Variants in CNTLN observed in about 807,000 individuals in gnomAD.
CNTLN encodes the protein centlein, centrosomal protein.
CNTLN carries 212 observed loss-of-function variants against 180.0 expected under a neutral mutation model. That is an observed-to-expected ratio of 1.18 (90% CI 1.05 to 1.32). The LOEUF is 1.32. CNTLN is among the 40% of genes most tolerant of loss of function. CNTLN has a pLI of 0.00. For synonymous variants in CNTLN, 722 were observed against 563.1 expected, an observed-to-expected ratio of 1.28 and a Z score of -3.99; for missense variants, 2,095 against 1,610.9, an observed-to-expected ratio of 1.30 and a Z score of -5.14.
intron 19 of CNTLN, among the ~76,000 whole-genome samples, chr9:17,459,969 T>A (rs1223543275): frequency 2.0e-5 from 3 of 151,802 alleles, no homozygotes; most frequent in Non-Finnish European, 4.4e-5. Flanking sequence ...GATATCAAAC[T>A]GCTAATATAG....
At chr9:17,395,506 T>G (rs1826450041) in intron 15 of CNTLN, among the ~76,000 whole-genome samples, 1 of 152,192 alleles carries the variant, frequency 6.6e-6, no homozygotes, top group Non-Finnish European at 1.5e-5. Flanking sequence ...TTAATTTAGT[T>G]AGATAAATTT....
chr9:17,191,992 T>C (rs556593422), intron 2 of CNTLN, among the ~76,000 whole-genome samples: 2 of 152,310 alleles, frequency 1.3e-5, no homozygotes, highest in East Asian at 3.9e-4. Context: ...GCTGTTTTTT[T>C]GACTCAAAAA....
At chr9:17,317,513 C>G (rs970320891) in intron 8 of CNTLN, among the ~76,000 whole-genome samples, 1 of 151,970 alleles carries the variant, frequency 6.6e-6, no homozygotes, top group Non-Finnish European at 1.5e-5. Context: ...CAAAACAAGG[C>G]CTTTGTGCTC....
rs553472515 is a variant in CNTLN at position 17,189,432 on chromosome 9, T to C, written c.450-36771T>C. Among the ~76,000 whole-genome samples the C allele has an allele frequency of 7.4e-4, 112 of 151,558 alleles. 3 individuals carry two copies. In the South Asian group the frequency reaches 0.019, roughly 26 times the overall value. On this transcript the variant is annotated intron_variant, in intron 2 of 25. Coordinates refer to ENST00000380647, the MANE Select transcript of CNTLN (RefSeq NM_017738.4). ...TGCAGGCTTAGAGCGATAGAGCAGC[T>C]TTTTTTCTAATCTAGGGTGAATTTA...
At chr9:17,138,269 TAGAA>T (rs954129522) in intron 1 of CNTLN, among the ~76,000 whole-genome samples, 29 of 152,184 alleles carry the variant, frequency 1.9e-4, no homozygotes, top group African/African-American at 6.8e-4. Context: ...TATGTTTACA[TAGAA>T]AGAGTAATAT....
At chr9:17,215,122 A>T (rs1301803845) in intron 2 of CNTLN, among the ~76,000 whole-genome samples, 1 of 152,082 alleles carries the variant, frequency 6.6e-6, no homozygotes, top group East Asian at 1.9e-4. Flanking sequence ...GGAGGAGGAG[A>T]GGAGCTCTGA....
intron 16 of CNTLN, among the ~76,000 whole-genome samples, chr9:17,411,890 A>G (rs1421575201): frequency 1.3e-5 from 2 of 152,092 alleles, no homozygotes; most frequent in Admixed American, 6.5e-5. Context: ...ATGTCATTGG[A>G]GATCACATAG....
chr9:17,291,101 T>G (rs527500359), intron 6 of CNTLN, among the ~76,000 whole-genome samples: 64 of 152,324 alleles, frequency 4.2e-4, no homozygotes, highest in Non-Finnish European at 8.2e-4. Flanking sequence ...AGTTTCCATG[T>G]AGTTGTGTGG....
chr9:17,369,882 G>C (rs1337106491), intron 13 of CNTLN, among the ~76,000 whole-genome samples: 1 of 151,794 alleles, frequency 6.6e-6, no homozygotes, highest in East Asian at 2.0e-4. Context: ...AGCTACTTGG[G>C]AGGCTGAGTC....
chr9:17,165,317 A>T (rs1021089930), intron 2 of CNTLN, among the ~76,000 whole-genome samples: 1 of 152,160 alleles, frequency 6.6e-6, no homozygotes, highest in African/African-American at 2.4e-5. Flanking sequence ...CTCCTCCCCA[A>T]ATCCCACTAA....
intron 14 of CNTLN, among the ~76,000 whole-genome samples, chr9:17,392,305 A>T (rs919544316): frequency 5.3e-5 from 8 of 152,166 alleles, no homozygotes; most frequent in African/African-American, 1.4e-4. Flanking sequence ...ATATGTATTT[A>T]AAAAATAGAG....
chr9:17,187,242 C>T (rs1360710477), intron 2 of CNTLN, among the ~76,000 whole-genome samples: 2 of 152,020 alleles, frequency 1.3e-5, no homozygotes. Flanking sequence ...GCTTTATCTA[C>T]TTTCTGTGTT....
chr9:17,294,055 G>T (rs1419311275), intron 6 of CNTLN, among the ~76,000 whole-genome samples: 2 of 152,138 alleles, frequency 1.3e-5, no homozygotes, highest in South Asian at 4.1e-4. Context: ...TGTTCCTTCT[G>T]ATGTTCAGAT....
chr9:17,467,873 AG>A (rs1358396576), intron 23 of CNTLN, among the ~76,000 whole-genome samples: 1 of 151,770 alleles, frequency 6.6e-6, no homozygotes, highest in Non-Finnish European at 1.5e-5. Context: ...CATTTGACCC[AG>A]CAATCCCATT....
intron 23 of CNTLN, among the ~76,000 whole-genome samples, chr9:17,468,108 G>A (rs2383016): frequency 0.065 from 9,933 of 151,650 alleles, 353 homozygotes; most frequent in Middle Eastern, 0.11. Context: ...AATGGAGCTG[G>A]AGGCCATTAT....
chr9:17,511,160 T>A, the CNTLN span, among the ~76,000 whole-genome samples: 2 of 152,172 alleles, frequency 1.3e-5, no homozygotes, highest in African/African-American at 4.8e-5. Context: ...TTTTTCTGTC[T>A]CCAAAACCTG....
At chr9:17,229,460 C>T (rs564080032) in intron 3 of CNTLN, among the ~76,000 whole-genome samples, 4 of 152,090 alleles carry the variant, frequency 2.6e-5, no homozygotes, top group Non-Finnish European at 4.4e-5. Flanking sequence ...TAATAGCTCA[C>T]GCAGTCGTGG....
intron 8 of CNTLN, among the ~76,000 whole-genome samples, chr9:17,330,254 G>A (rs946992365): frequency 6.6e-6 from 1 of 151,976 alleles, no homozygotes; most frequent in South Asian, 2.1e-4. Context: ...CTATGGTATT[G>A]TATGACTCTT....
At chr9:17,487,123 C>A in intron 25 of CNTLN, 57 bp downstream of exon 25, 1 of 1,169,070 alleles carries the variant, frequency 8.6e-7, no homozygotes, top group Non-Finnish European at 1.3e-6. Context: ...CCAAGCCTTA[C>A]ATTTTCACCA....
Sources: gnomAD v4.1 joint callset for allele counts (sites outside exome capture counted in the v4.1 genomes callset) on GRCh38, gnomAD v4.1.1 for gene constraint, MANE v1.5 for transcripts, NCBI Gene and HGNC (gene_info 2026-07-23, HGNC 2026-07-21) for gene names.